Variants in PRRG3 observed in about 807,000 individuals in gnomAD.
PRRG3 encodes the protein transmembrane gamma-carboxyglutamic acid protein 3.
In PRRG3, 21 loss-of-function variants were observed where a neutral mutation model predicts 15.8. That is an observed-to-expected ratio of 1.33 (90% CI 0.94 to 1.92). The LOEUF is 1.92. PRRG3 is among the 40% of genes most tolerant of loss of function. The pLI is 0.00. For missense variants in PRRG3, 251 were observed against 200.2 expected (o/e 1.25, Z -1.53); for synonymous variants, 125 against 84.1 (o/e 1.49, Z -2.66).
chrX:151,694,841 G>A (rs1388466964), upstream of PRRG3, among the ~76,000 whole-genome samples: 1 of 111,859 alleles, frequency 8.9e-6, no homozygotes, highest in Non-Finnish European at 1.9e-5. Flanking sequence ...CTGCTACGCC[G>A]TATCTTCCGA....
intron 1 of PRRG3, among the ~76,000 whole-genome samples, chrX:151,696,141 C>T (rs995750588): frequency 4.5e-5 from 5 of 111,660 alleles, no homozygotes; most frequent in Admixed American, 9.4e-5. Flanking sequence ...AAATTCCTTC[C>T]GCCTACAGTC....
At chrX:151,695,365 G>A (rs1325993151), upstream of PRRG3, 1 of 111,459 alleles carries the variant, frequency 9.0e-6, no homozygotes. Flanking sequence ...GGGTGCCCGG[G>A]GCGGTGGGAG....
At position 151,701,871 on chromosome X, in the gene PRRG3, G is replaced by A. The variant is rs4347102; in HGVS notation, c.*838G>A. On this transcript the variant is annotated 3_prime_UTR_variant, in exon 4 of 4. Coordinates refer to ENST00000674457, the MANE Select transcript of PRRG3 (RefSeq NM_001372163.1). ...CCACTGGCATGAGCCTACTTTTTGC[G>A]AATGGTGCATTGAAATTGAACTTCA... The A allele has an allele frequency of 0.21, 23,318 of 112,165 alleles. 1,998 individuals carry two copies. Among genetic ancestry groups the A allele is most frequent in the East Asian group, 0.3 (1,052 of 3,512 alleles). The allele number at this position is 112,165 out of a possible 1,213,427, so 9.2% of individuals were successfully genotyped here.
chrX:151,702,089 C>T lies in PRRG3; in HGVS notation c.*1056C>T, dbSNP rs2014896535. ...AGCAGTGGGGCAGAAGGCACCTGCC[C>T]TTTAACTGTCAGTGACCATGCTAGA... On this transcript the variant is annotated 3_prime_UTR_variant, in exon 4 of 4. Transcript: ENST00000674457. 9.0e-6 allele frequency: 1 copy of T among 111,681 alleles called. No individual in the cohort carries two copies. Among genetic ancestry groups the T allele is most frequent in the Non-Finnish European group, 1.9e-5 (1 of 53,149 alleles). The allele number at this position is 111,681 out of a possible 1,213,427, so 9.2% of individuals were successfully genotyped here.
In PRRG3 at chrX:151,702,743, G is replaced by C. The variant is rs1386587033; in HGVS notation, c.*1710G>C. On this transcript the variant is annotated 3_prime_UTR_variant, in exon 4 of 4. Transcript: ENST00000674457. The stretch of plus-strand genomic sequence containing the variant: ...CCCTTTCCAGAGCTCCCTGATGCCA[G>C]AGATGCTGGTGAATGCAGGTGACAT... The C allele has an allele frequency of 1.8e-5, 2 of 112,269 alleles. No homozygotes were observed. The highest frequency in any genetic ancestry group is 1.9e-4 in the Admixed American group (2 of 10,638). The allele number at this position is 112,269 out of a possible 1,213,427, so 9.3% of individuals were successfully genotyped here.
upstream of PRRG3, among the ~76,000 whole-genome samples, chrX:151,694,688 G>A (rs1311897196): frequency 9.8e-5 from 9 of 92,013 alleles, no homozygotes; most frequent in Non-Finnish European, 2.0e-4. Flanking sequence ...CTAGGTTGCA[G>A]GCTAGCCCCC....
Position 151,701,112 on chromosome X carries a change from G to T in PRRG3, c.*79G>T, listed in dbSNP as rs1329164585. 3 of 939,819 alleles carry T rather than the reference G, an allele frequency of 3.2e-6. No homozygotes were observed. The highest frequency in any genetic ancestry group is 4.2e-6 in the Non-Finnish European group (3 of 712,326). 77.5% of individuals were successfully genotyped at this position (939,819 alleles called of 1,213,427 possible). A position where few individuals can be genotyped will look rare whatever the true frequency, so the allele number is the denominator to read the frequency against. On this transcript the variant is annotated 3_prime_UTR_variant, in exon 4 of 4. Coordinates refer to ENST00000674457, the MANE Select transcript of PRRG3 (RefSeq NM_001372163.1). ...TTCTTTTTAACTTTTTAAAGACTGTGCCACCACAAAACAGCCTTAGCCTCC... is the reference window on the plus strand; with the variant it reads ...TTCTTTTTAACTTTTTAAAGACTGTTCCACCACAAAACAGCCTTAGCCTCC...
chrX:151,696,991 CTCTT>C (rs2014770444), intron 1 of PRRG3, among the ~76,000 whole-genome samples: 2 of 108,880 alleles, frequency 1.8e-5, no homozygotes, highest in African/African-American at 3.4e-5. Context: ...CTCTCTTTCT[CTCTT>C]TCTTTCTCTC....
At chrX:151,695,288 G>A (rs755330248), upstream of PRRG3, 2 of 110,616 alleles carry the variant, frequency 1.8e-5, no homozygotes, top group Admixed American at 1.9e-4. Flanking sequence ...AATGGGCCGG[G>A]CCTGGGCGCC....
intron 1 of PRRG3, among the ~76,000 whole-genome samples, chrX:151,696,105 CT>C (rs2014756007): frequency 9.0e-6 from 1 of 111,438 alleles, no homozygotes. Flanking sequence ...CAGGATTCAG[CT>C]GTGTTCCTGC....
At position 151,700,729 on chromosome X, in the gene PRRG3, G is replaced by A. The variant is rs373242051; in HGVS notation, c.392G>A (p.Arg131Gln). ...AGTCGCGCCGGGCACACCCTCCCCC[G>A]GGTCATGGTGTACCGGGGTACTGTG... The part of the protein sequence containing the change: ...LASRAGHTLP[R>Q]VMVYRGTVHS... Residue 131 changes from arginine to glutamine, a missense_variant, in exon 4 of 4, where the codon CGG becomes CAG. Physicochemically the swap from Arg to Gln is conservative, Grantham distance 43 (BLOSUM62 1). Transcript: ENST00000674457. 1.9e-5 allele frequency: 23 copies of A among 1,207,237 alleles called. 1 individual carries two copies. The highest frequency in any genetic ancestry group is 7.1e-5 in the South Asian group (4 of 56,439).
upstream of PRRG3, chrX:151,695,029 T>C (rs1270834558): frequency 9.2e-6 from 1 of 108,751 alleles, no homozygotes; most frequent in East Asian, 2.9e-4. Flanking sequence ...CCGGCCCGGC[T>C]TGCCCGCCCG....
chrX:151,700,487 A>G lies in PRRG3; in HGVS notation c.169-19A>G. Reference sequence around the variant, plus strand: ...CCTGGAGCTTGAGCTTCTCTTAAGTACCACTTTTTCTTTTGCAGATGGAGT... The same window carrying G: ...CCTGGAGCTTGAGCTTCTCTTAAGTGCCACTTTTTCTTTTGCAGATGGAGT... On this transcript the variant is annotated intron_variant, in intron 3 of 3. Coordinates refer to ENST00000674457, the MANE Select transcript of PRRG3 (RefSeq NM_001372163.1). 8.6e-7 allele frequency: 1 copy of G among 1,167,543 alleles called. No individual in the cohort carries two copies. The highest frequency in any genetic ancestry group is 1.1e-6 in the Non-Finnish European group (1 of 870,617).
At chrX:151,699,102 C>G (rs111325817) in intron 2 of PRRG3, among the ~76,000 whole-genome samples, 1 of 113,007 alleles carries the variant, frequency 8.8e-6, no homozygotes, top group South Asian at 3.6e-4. Flanking sequence ...CAAAGACATG[C>G]CAGCTTGGGC....
intron 1 of PRRG3, among the ~76,000 whole-genome samples, chrX:151,697,924 T>C (rs1318840768): frequency 9.1e-6 from 1 of 109,985 alleles, no homozygotes; most frequent in Non-Finnish European, 1.9e-5. Flanking sequence ...TAGCTCACAT[T>C]AGGGGCAACT....
Position 151,701,601 on chromosome X carries a change from G to A in PRRG3, c.*568G>A, listed in dbSNP as rs1025343518. On this transcript the variant is annotated 3_prime_UTR_variant, in exon 4 of 4. Transcript: ENST00000674457. ...ATTAACACAATAGAACAAAACTCTA[G>A]CACCCGGGCCGTTCATAGGAGGCCA... 1.8e-5 allele frequency: 2 copies of A among 112,555 alleles called. No homozygotes were observed. Among genetic ancestry groups the A allele is most frequent in the Non-Finnish European group, 3.8e-5 (2 of 53,286 alleles). 9.3% of individuals were successfully genotyped at this position (112,555 alleles called of 1,213,427 possible).
chrX:151,703,016 G>A lies in PRRG3; in HGVS notation c.*1983G>A, dbSNP rs953871504. On this transcript the variant is annotated 3_prime_UTR_variant, in exon 4 of 4. Transcript: ENST00000674457. ...GTCTACTCAGTTAGCACAGAGCCAG[G>A]CATGAGCTCCACTGATCAGAGCCAA... 1 of 112,646 alleles carries A rather than the reference G, an allele frequency of 8.9e-6. No individual in the cohort carries two copies. The highest frequency in any genetic ancestry group is 1.9e-5 in the Non-Finnish European group (1 of 53,318). 9.3% of individuals were successfully genotyped at this position (112,646 alleles called of 1,213,427 possible).
rs1430714153 is a variant in PRRG3 at position 151,702,315 on chromosome X, G to A, written c.*1282G>A. ...TTTTCTGTCAAAATATCTCTCTAAG[G>A]CAGACATTGGGACTCATTTCCTTGA... On this transcript the variant is annotated 3_prime_UTR_variant, in exon 4 of 4. Transcript: ENST00000674457. 8.9e-6 allele frequency: 1 copy of A among 112,495 alleles called. No homozygotes were observed. The highest frequency in any genetic ancestry group is 9.4e-5 in the Admixed American group (1 of 10,682). 9.3% of individuals were successfully genotyped at this position (112,495 alleles called of 1,213,427 possible).
rs772442871 is a variant in PRRG3 at position 151,700,793 on chromosome X, G to A, written c.456G>A (p.Ala152=). Residue 152 remains alanine (A), a synonymous_variant, in exon 4 of 4, where the codon GCG becomes GCA. Transcript: ENST00000674457. ...AGCCTTCTGGGCACCGAGAGGCAGCGAACAGCCCCCAGGTGGTGCTGGGGC... is the reference window on the plus strand; with the variant it reads ...AGCCTTCTGGGCACCGAGAGGCAGCAAACAGCCCCCAGGTGGTGCTGGGGC... The part of the protein sequence containing the change: ...QGEPSGHREA[A]NSPQVVLGPS... 8.4e-6 allele frequency: 10 copies of A among 1,192,715 alleles called. No homozygotes were observed. The African/African-American group carries it at 1.1e-4, about 13-fold the overall frequency.
Sources: allele counts gnomAD v4.1 joint callset (sites outside exome capture counted in the v4.1 genomes callset), GRCh38; gene constraint gnomAD v4.1.1; transcripts MANE v1.5; gene names NCBI Gene and HGNC (gene_info 2026-07-23, HGNC 2026-07-21).